The following RBM45 variants were observed in gnomAD, a reference collection of about 807,000 sequenced individuals.
RBM45 encodes the protein RNA-binding protein 45.
RBM45 carries 39 observed loss-of-function variants against 58.5 expected under a neutral mutation model. The ratio of observed to expected loss-of-function variants is 0.67; its 90% CI spans 0.52 to 0.87. RBM45 has a LOEUF of 0.87. RBM45 is among the 40% of genes least tolerant of loss of function. The probability of loss-of-function intolerance (pLI) is 0.00; values close to 1 mark genes in which losing one functional copy is unlikely to be tolerated. For synonymous variants in RBM45, 193 were observed against 203.0 expected (o/e 0.95, Z 0.42); for missense variants, 481 against 581.6 (o/e 0.83, Z 1.78).
rs1161993125 is a variant in RBM45, at chr2:178,124,215, C to T, written c.1157C>T (p.Thr386Ile). ...TGCAAAAAAAAAGCTCCTGCTGAAA[C>T]TCCTGTGAAAGAAAGACTTTTTATT... ...PSCKKKAPAE[T>I]PVKERLFIVF... The change falls in exon 8 of 10, where the codon ACT becomes ATT. Residue 386 changes from threonine to isoleucine, a missense_variant. Thr to Ile is a moderately conservative substitution (Grantham distance 89, BLOSUM62 -1). Coordinates refer to ENST00000286070, the MANE Select transcript of RBM45 (RefSeq NM_152945.4). 6.2e-7 allele frequency: 1 copy of T among 1,610,226 alleles called. No individual in the cohort carries two copies. The highest frequency in any genetic ancestry group is 8.5e-7 in the Non-Finnish European group (1 of 1,178,106).
chr2:178,137,487 C>T (rs185601222), exon 4 of RBM45: 41 of 152,170 alleles, frequency 2.7e-4, no homozygotes, highest in Non-Finnish European at 4.6e-4. Flanking sequence ...TGTCCATGAA[C>T]AGAATGCATA....
downstream of RBM45, among the ~76,000 whole-genome samples, chr2:178,132,013 T>A (rs1256354077): frequency 1.3e-5 from 2 of 152,228 alleles, no homozygotes; most frequent in African/African-American, 4.8e-5. Flanking sequence ...AAATGTTAGT[T>A]ATTAAAACTG....
At chr2:178,128,694 G>A (rs2087967781) in intron 9 of RBM45, among the ~76,000 whole-genome samples, 1 of 152,180 alleles carries the variant, frequency 6.6e-6, no homozygotes, top group Admixed American at 6.5e-5. Context: ...GGTCAGGTTA[G>A]TTGAAAATGG....
At chr2:178,121,406 A>T (rs1306440526) in intron 5 of RBM45, 47 bp downstream of exon 5, 1 of 22,128 alleles carries the variant, frequency 4.5e-5, no homozygotes, top group Non-Finnish European at 1.0e-4. Flanking sequence ...GTATATATAC[A>T]CACACACACA....
In RBM45 at chr2:178,125,662, C is replaced by G; in HGVS notation, c.1233-322C>G. 6.0e-6 allele frequency: 3 copies of G among 502,356 alleles called. No homozygotes were observed. In the Admixed American group the frequency reaches 7.0e-5, roughly 12 times the overall value. The allele number at this position is 502,356 out of a possible 1,614,324, so 31.1% of individuals were successfully genotyped here. A position where few individuals can be genotyped will look rare whatever the true frequency, so the allele number is the denominator to read the frequency against. Reference sequence around the variant, plus strand: ...AGGCAATGGGGAGCTGCTGAGGGGACTTTTAGGGAGTAAATGATCATATTT... The same window carrying G: ...AGGCAATGGGGAGCTGCTGAGGGGAGTTTTAGGGAGTAAATGATCATATTT... On this transcript the variant is annotated intron_variant, in intron 8 of 9. Transcript: ENST00000286070.
chr2:178,125,453 T>C (rs181347753), intron 8 of RBM45, among the ~76,000 whole-genome samples: 77 of 152,278 alleles, frequency 5.1e-4, no homozygotes, highest in African/African-American at 1.4e-3. Context: ...ACCTGAAGTA[T>C]AAAAATAATT....
chr2:178,127,224 A>G (rs1325780638), intron 9 of RBM45, among the ~76,000 whole-genome samples: 1 of 152,136 alleles, frequency 6.6e-6, no homozygotes, highest in Admixed American at 6.5e-5. Flanking sequence ...CGCCTGGCCT[A>G]AAGTTTGGCG....
intron 3 of RBM45, among the ~76,000 whole-genome samples, chr2:178,135,051 T>C (rs1476392724): frequency 6.6e-6 from 1 of 152,086 alleles, no homozygotes; most frequent in Non-Finnish European, 1.5e-5. Context: ...CTGTGTTGGG[T>C]TTTGGCCCTA....
rs2088037681 is a variant in RBM45 at position 178,135,466 on chromosome 2, G to A, written c.*9-997G>A. Among the ~76,000 whole-genome samples the A allele has an allele frequency of 3.9e-5, 6 of 152,282 alleles. No individual in the cohort carries two copies. In the South Asian group the frequency reaches 1.2e-3, roughly 32 times the overall value. On this transcript the variant is annotated intron_variant, in intron 3 of 3. Transcript: ENST00000455903. ...TTTTAGCCTAAATCTGGGAATCATA[G>A]GCAATAGGGAGTCTATACCAGGTAC...
At chr2:178,135,873 T>G (rs2088041080) in intron 3 of RBM45, among the ~76,000 whole-genome samples, 2 of 152,186 alleles carry the variant, frequency 1.3e-5, no homozygotes, top group Admixed American at 1.3e-4. Context: ...GGAAGAAAAT[T>G]TATATCAATC....
intron 8 of RBM45, among the ~76,000 whole-genome samples, chr2:178,124,683 A>T (rs1237986842): frequency 1.3e-5 from 2 of 152,158 alleles, no homozygotes; most frequent in African/African-American, 2.4e-5. Flanking sequence ...GCATGGTGGT[A>T]CATGCCTGTG....
intron 8 of RBM45, chr2:178,125,645 G>A (rs113146682): frequency 8.3e-6 from 4 of 482,692 alleles, no homozygotes; most frequent in African/African-American, 5.9e-5. Flanking sequence ...GGAGGCAATG[G>A]GGAGCTGCTG....
chr2:178,130,054 C>G (rs1013664281), downstream of RBM45, among the ~76,000 whole-genome samples: 1 of 151,918 alleles, frequency 6.6e-6, no homozygotes, highest in Non-Finnish European at 1.5e-5. Flanking sequence ...TATAAGCCAA[C>G]AGTGATAAAA....
intron 4 of RBM45, 95 bp from the exon 5 acceptor site, chr2:178,121,085 A>G (rs1389568859): frequency 2.2e-5 from 13 of 586,694 alleles, no homozygotes; most frequent in Middle Eastern, 3.4e-4. Flanking sequence ...GCCTTTATTC[A>G]GTACAATGGA....
In RBM45 at chr2:178,112,467, G is replaced by C. The variant is rs1233298729; in HGVS notation, c.-80G>C. The C allele has an allele frequency of 1.8e-5, 24 of 1,369,722 alleles. No homozygotes were observed. In the Admixed American group the frequency reaches 2.9e-4, roughly 17 times the overall value. 84.8% of individuals were successfully genotyped at this position (1,369,722 alleles called of 1,614,324 possible). A position where few individuals can be genotyped will look rare whatever the true frequency, so the allele number is the denominator to read the frequency against. ...GGAAGCGGAGCACCGAGCCGGCAAA[G>C]GCTTGGGTGTGAGACAGCAGCGGTG... On this transcript the variant is annotated 5_prime_UTR_variant, in exon 1 of 10. Coordinates refer to ENST00000286070, the MANE Select transcript of RBM45 (RefSeq NM_152945.4).
intron 2 of RBM45, among the ~76,000 whole-genome samples, chr2:178,116,743 C>T (rs965416708): frequency 2.6e-5 from 4 of 152,004 alleles, no homozygotes; most frequent in Admixed American, 6.6e-5. Context: ...GGAGCCTGCT[C>T]TTGGTCTTTA....
intron 9 of RBM45, among the ~76,000 whole-genome samples, chr2:178,127,170 G>A (rs1219620871): frequency 2.0e-5 from 3 of 152,064 alleles, no homozygotes; most frequent in Middle Eastern, 3.2e-3. Context: ...TGATCCGCCC[G>A]CCTCGGCCTC....
At position 178,113,525 on chromosome 2, in the gene RBM45, T is replaced by C. The variant is rs545126801; in HGVS notation, c.300+679T>C. On this transcript the variant is annotated intron_variant, in intron 1 of 9. Transcript: ENST00000286070. ...TGACCCTTTCTGTTACTGCAACTTTTCTTTGAAAGCAGACCAAAGTAAACT... is the reference window on the plus strand; with the variant it reads ...TGACCCTTTCTGTTACTGCAACTTTCCTTTGAAAGCAGACCAAAGTAAACT... Among the ~76,000 whole-genome samples the C allele has an allele frequency of 3.3e-5, 5 of 152,344 alleles. No individual in the cohort carries two copies. In the South Asian group the frequency reaches 6.2e-4, roughly 19 times the overall value.
exon 4 of RBM45, chr2:178,138,553 C>T (rs973553381): frequency 1.3e-5 from 2 of 152,114 alleles, no homozygotes; most frequent in African/African-American, 4.8e-5. Context: ...TTCCTCTACT[C>T]ATCCAAATTG....
Sources: allele counts gnomAD v4.1 joint callset (sites outside exome capture counted in the v4.1 genomes callset), GRCh38; gene constraint gnomAD v4.1.1; transcripts MANE v1.5; gene names NCBI Gene and HGNC (gene_info 2026-07-23, HGNC 2026-07-21).